Variants in SORCS1 observed in about 807,000 individuals in gnomAD.
The protein encoded by SORCS1 is sortilin related VPS10 domain containing receptor 1.
SORCS1 carries 60 observed loss-of-function variants against 146.1 expected under a neutral mutation model. That is an observed-to-expected ratio of 0.41 (90% CI 0.33 to 0.51). The LOEUF is 0.51. Ranked by LOEUF, SORCS1 falls within the 20% of genes least tolerant of loss-of-function variation. SORCS1 has a pLI of 0.21. For synonymous variants in SORCS1, 637 were observed against 584.0 expected, an observed-to-expected ratio of 1.09 and a Z score of -1.31; for missense variants, 1,352 against 1,487.6, an observed-to-expected ratio of 0.91 and a Z score of 1.50.
intron 2 of SORCS1, among the ~76,000 whole-genome samples, chr10:106,853,326 A>T (rs1283265407): frequency 6.7e-6 from 1 of 150,092 alleles, no homozygotes; most frequent in African/African-American, 2.4e-5. Context: ...CTCCTCTTTC[A>T]TTTCTGACAT....
intron 22 of SORCS1, among the ~76,000 whole-genome samples, chr10:106,611,204 A>G (rs185430065): frequency 6.6e-6 from 1 of 152,312 alleles, no homozygotes; most frequent in East Asian, 1.9e-4. Flanking sequence ...ATTCTCTGAG[A>G]AACCTTAGGA....
chr10:106,679,432 G>A, intron 11 of SORCS1, 100 bp from the exon 12 acceptor site: 1 of 1,069,010 alleles, frequency 9.4e-7, no homozygotes, highest in Admixed American at 2.1e-5. Flanking sequence ...TTGACTGCAA[G>A]CATTCTGTCT....
intron 1 of SORCS1, among the ~76,000 whole-genome samples, chr10:107,078,158 G>A (rs1963038605): frequency 6.6e-6 from 1 of 152,100 alleles, no homozygotes; most frequent in South Asian, 2.1e-4. Context: ...AATACTTTGG[G>A]ACAGTGGGTC....
At chr10:106,894,252 T>TGTGC (rs1564783815) in intron 2 of SORCS1, among the ~76,000 whole-genome samples, 1 of 149,630 alleles carries the variant, frequency 6.7e-6, no homozygotes, top group Non-Finnish European at 1.5e-5. Flanking sequence ...TGTGTGTGTG[T>TGTGC]GCGCGCGCGC....
intron 1 of SORCS1, among the ~76,000 whole-genome samples, chr10:106,963,739 G>T (rs1955370878): frequency 6.6e-6 from 1 of 152,044 alleles, no homozygotes; most frequent in African/African-American, 2.4e-5. Flanking sequence ...TTCTTTAGAA[G>T]AACTTTCAGC....
chr10:106,628,334 G>A lies in SORCS1; in HGVS notation c.2662+868C>T, dbSNP rs548377468. Among the ~76,000 whole-genome samples the A allele has an allele frequency of 2.0e-5, 3 of 152,352 alleles. No individual in the cohort carries two copies. In the East Asian group the frequency reaches 5.8e-4, roughly 29 times the overall value. ...GTATTCAATTTTGTTCCATGGGCAA[G>A]GTGCAGAGGAGAGGCATGGAGTAAT... On this transcript the variant is annotated intron_variant, in intron 19 of 25. Transcript: ENST00000263054.
chr10:107,110,579 C>T (rs1590161505), intron 1 of SORCS1, among the ~76,000 whole-genome samples: 1 of 152,108 alleles, frequency 6.6e-6, no homozygotes, highest in East Asian at 1.9e-4. Flanking sequence ...AGCATCAAGC[C>T]ATGAGGGATC....
At chr10:106,740,118 G>A (rs1201247200) in intron 5 of SORCS1, among the ~76,000 whole-genome samples, 1 of 152,070 alleles carries the variant, frequency 6.6e-6, no homozygotes, top group Non-Finnish European at 1.5e-5. Flanking sequence ...AATACATGAT[G>A]GTTTATTAGA....
At chr10:106,838,550 A>G (rs1948885880) in intron 2 of SORCS1, among the ~76,000 whole-genome samples, 1 of 152,194 alleles carries the variant, frequency 6.6e-6, no homozygotes, top group African/African-American at 2.4e-5. Context: ...CATAGAGAAT[A>G]GTTTCACTCG....
At chr10:106,776,383 T>C in intron 4 of SORCS1, 151 bp downstream of exon 4, 1 of 923,524 alleles carries the variant, frequency 1.1e-6, no homozygotes, top group Non-Finnish European at 1.6e-6. Flanking sequence ...CCTGAGACTC[T>C]CCTTGCTTTC....
At chr10:107,144,488 T>C (rs1968130260) in intron 1 of SORCS1, among the ~76,000 whole-genome samples, 1 of 152,218 alleles carries the variant, frequency 6.6e-6, no homozygotes, top group Non-Finnish European at 1.5e-5. Context: ...GTGCCTGATA[T>C]CAAAATGGTC....
chr10:107,051,579 G>T (rs17195022), intron 1 of SORCS1, among the ~76,000 whole-genome samples: 24,134 of 151,986 alleles, frequency 0.16, 2,173 homozygotes, highest in South Asian at 0.19. Context: ...TAACTCAGGG[G>T]GTTCATGGAT....
chr10:106,707,130 T>A (rs911579), intron 7 of SORCS1, among the ~76,000 whole-genome samples: 1 of 151,700 alleles, frequency 6.6e-6, no homozygotes, highest in African/African-American at 2.4e-5. Flanking sequence ...GCATATTAGA[T>A]GGAAAACCAG....
intron 5 of SORCS1, among the ~76,000 whole-genome samples, chr10:106,731,293 A>AAAG (rs1564907853): frequency 1.4e-5 from 1 of 71,204 alleles, no homozygotes; most frequent in Non-Finnish European, 3.1e-5. Context: ...ACTCCGTCTC[A>AAAG]AAAAAAAAAA....
intron 3 of SORCS1, 94 bp downstream of exon 3, chr10:106,829,480 A>T: frequency 1.3e-6 from 1 of 776,256 alleles, no homozygotes. Flanking sequence ...ATCCCAGATT[A>T]ACTGTAATGG....
chr10:106,802,592 A>C (rs984378210), intron 3 of SORCS1, among the ~76,000 whole-genome samples: 9 of 151,356 alleles, frequency 5.9e-5, no homozygotes, highest in African/African-American at 2.2e-4. Flanking sequence ...TCCGCCTCCC[A>C]GGTTCAAGTG....
chr10:107,153,602 G>C (rs1046631384), intron 1 of SORCS1, among the ~76,000 whole-genome samples: 6 of 152,186 alleles, frequency 3.9e-5, no homozygotes, highest in Non-Finnish European at 7.3e-5. Flanking sequence ...AACAGACAGA[G>C]TGATCTTGCT....
chr10:106,929,029 G>GAGAC (rs1432844799), intron 2 of SORCS1, among the ~76,000 whole-genome samples: 4 of 151,918 alleles, frequency 2.6e-5, no homozygotes, highest in Non-Finnish European at 5.9e-5. Context: ...TGCTGATGAT[G>GAGAC]AGACATATTA....
chr10:106,757,372 G>A (rs1186304598), intron 5 of SORCS1, among the ~76,000 whole-genome samples: 1 of 152,064 alleles, frequency 6.6e-6, no homozygotes, highest in Non-Finnish European at 1.5e-5. Context: ...CAGGTTCCAA[G>A]CAGAAATGAT....
Sources: allele counts gnomAD v4.1 joint callset (sites outside exome capture counted in the v4.1 genomes callset), GRCh38; gene constraint gnomAD v4.1.1; transcripts MANE v1.5; gene names NCBI Gene and HGNC (gene_info 2026-07-23, HGNC 2026-07-21).